Variants in FGF14 observed in about 807,000 individuals in gnomAD.
FGF14 encodes the protein fibroblast growth factor homologous factor 4.
Under a neutral mutation model 25.5 loss-of-function variants are expected in FGF14, and 5 were observed. The ratio of observed to expected loss-of-function variants is 0.20; its 90% confidence interval spans 0.10 to 0.41. The LOEUF is 0.41. FGF14 is among the 10% of genes least tolerant of loss of function. The pLI, the probability that FGF14 is intolerant of heterozygous loss-of-function variation, is 1.00. For synonymous variants in FGF14, 138 were observed against 118.3 expected (o/e 1.17, Z -1.08); for missense variants, 222 against 320.1 (o/e 0.69, Z 2.34).
chr13:102,062,664 A>C (rs892403413), intron 1 of FGF14, among the ~76,000 whole-genome samples: 23 of 152,304 alleles, frequency 1.5e-4, no homozygotes, highest in Admixed American at 1.3e-4. Flanking sequence ...CAATTTCTCC[A>C]ATTTATTCAA....
At chr13:102,046,126 A>ATTCTC (rs1412468992) in intron 1 of FGF14, 2 of 154,324 alleles carry the variant, frequency 1.3e-5, no homozygotes, top group Non-Finnish European at 2.9e-5. Flanking sequence ...CCTGGGCAGG[A>ATTCTC]AACACTGACT....
At chr13:102,294,211 T>C (rs1161528929) in intron 1 of FGF14, among the ~76,000 whole-genome samples, 2 of 152,198 alleles carry the variant, frequency 1.3e-5, no homozygotes, top group Admixed American at 6.6e-5. Context: ...CTCAAGTCAA[T>C]GGGAAAACAT....
In FGF14 at chr13:102,132,515, CTT is replaced by C. The variant is rs5806272; in HGVS notation, c.209-257221_209-257220del. ...AAGGCATACTTTTCTTTCTTTCTTT[CTT>C]TTTTTTTTTTTTTGAGACAGAGTGC... On this transcript the variant is annotated intron_variant, in intron 1 of 4. Coordinates refer to the FGF14 transcript ENST00000376131. 4.8e-3 allele frequency among the ~76,000 whole-genome samples: 541 copies of C among 112,618 alleles called. 3 individuals are homozygous for C. Among genetic ancestry groups the C allele is most frequent in the African/African-American group, 0.014 (446 of 31,510 alleles). The allele number at this position is 112,618 out of a possible 152,430, so 73.9% of individuals were successfully genotyped here. A position where few individuals can be genotyped will look rare whatever the true frequency, so the allele number is the denominator to read the frequency against.
intron 1 of FGF14, among the ~76,000 whole-genome samples, chr13:102,311,403 T>A (rs898784795): frequency 2.0e-5 from 3 of 152,138 alleles, no homozygotes; most frequent in African/African-American, 7.2e-5. Context: ...TTGTCAATGA[T>A]TCTCCCCAAG....
intron 1 of FGF14, among the ~76,000 whole-genome samples, chr13:101,943,223 G>A (rs1010715024): frequency 2.0e-5 from 3 of 152,108 alleles, no homozygotes; most frequent in East Asian, 1.9e-4. Flanking sequence ...TCACTCTTCC[G>A]GGTTCCATAC....
chr13:102,345,079 T>C (rs578203294), intron 1 of FGF14, among the ~76,000 whole-genome samples: 1 of 152,324 alleles, frequency 6.6e-6, no homozygotes, highest in East Asian at 1.9e-4. Flanking sequence ...ATGGTCTTAA[T>C]TCCAGCACTA....
intron 3 of FGF14, among the ~76,000 whole-genome samples, chr13:101,750,358 C>T (rs1395258363): frequency 6.6e-6 from 1 of 151,730 alleles, no homozygotes; most frequent in Middle Eastern, 3.2e-3. Flanking sequence ...ACTATACATA[C>T]AGAATGACAA....
chr13:101,797,743 G>GTA (rs2040617161), intron 3 of FGF14, among the ~76,000 whole-genome samples: 1 of 144,356 alleles, frequency 6.9e-6, no homozygotes, highest in Non-Finnish European at 1.5e-5. Context: ...TGATGTGTGT[G>GTA]TGTGTGTGTG....
intron 1 of FGF14, among the ~76,000 whole-genome samples, chr13:102,222,208 T>G (rs1274110041): frequency 6.6e-6 from 1 of 152,178 alleles, no homozygotes; most frequent in Non-Finnish European, 1.5e-5. Context: ...TCCTAGGGTT[T>G]TTCGAGGACT....
At chr13:101,832,324 G>A (rs1030391579) in intron 3 of FGF14, among the ~76,000 whole-genome samples, 2 of 152,044 alleles carry the variant, frequency 1.3e-5, no homozygotes, top group Non-Finnish European at 2.9e-5. Context: ...CTGACCTCTG[G>A]CCTGGAGAAG....
intron 1 of FGF14, among the ~76,000 whole-genome samples, chr13:102,074,094 T>G (rs371177139): frequency 6.6e-6 from 1 of 152,142 alleles, no homozygotes; most frequent in African/African-American, 2.4e-5. Flanking sequence ...TCACTGCAGC[T>G]TCAACCTCCT....
intron 1 of FGF14, among the ~76,000 whole-genome samples, chr13:102,288,232 G>A (rs1423686447): frequency 2.0e-5 from 3 of 152,108 alleles, no homozygotes; most frequent in Admixed American, 6.6e-5. Flanking sequence ...CTGCAAACTG[G>A]TGAAAACAAC....
At chr13:102,022,129 C>T (rs960182751) in intron 1 of FGF14, among the ~76,000 whole-genome samples, 10 of 152,008 alleles carry the variant, frequency 6.6e-5, no homozygotes, top group Non-Finnish European at 7.4e-5. Context: ...AGCACCCCCA[C>T]CCCCCTTACT....
chr13:102,087,950 A>G (rs2044002046), intron 1 of FGF14, among the ~76,000 whole-genome samples: 2 of 152,210 alleles, frequency 1.3e-5, no homozygotes, highest in African/African-American at 4.8e-5. Context: ...GCCTGATTGT[A>G]AAGCTCATGG....
chr13:101,875,415 T>C, intron 1 of FGF14, 119 bp from the exon 2 acceptor site: 1 of 734,310 alleles, frequency 1.4e-6, no homozygotes, highest in Non-Finnish European at 2.4e-6. Context: ...CATATTTTAT[T>C]TTGTCTCTCA....
intron 1 of FGF14, among the ~76,000 whole-genome samples, chr13:102,020,281 G>T (rs1164280838): frequency 6.6e-6 from 1 of 152,168 alleles, no homozygotes; most frequent in African/African-American, 2.4e-5. Flanking sequence ...GGGTATGGTG[G>T]CTCATGCCTG....
intron 1 of FGF14, among the ~76,000 whole-genome samples, chr13:102,155,030 A>G (rs1484883465): frequency 6.6e-6 from 1 of 152,232 alleles, no homozygotes; most frequent in Non-Finnish European, 1.5e-5. Flanking sequence ...TTAGAGACCT[A>G]TAAAGAGACT....
chr13:102,345,848 G>C (rs765135514), intron 1 of FGF14, among the ~76,000 whole-genome samples: 1 of 152,186 alleles, frequency 6.6e-6, no homozygotes, highest in Non-Finnish European at 1.5e-5. Context: ...GACTGGAAAA[G>C]GGTGTTAATC....
chr13:102,197,833 T>C (rs1434143020), intron 1 of FGF14, among the ~76,000 whole-genome samples: 3 of 152,150 alleles, frequency 2.0e-5, no homozygotes, highest in Non-Finnish European at 2.9e-5. Context: ...TTTCAGGGTC[T>C]CAGAATCAAA....
Sources: gnomAD v4.1 joint callset for allele counts (sites outside exome capture counted in the v4.1 genomes callset) on GRCh38, gnomAD v4.1.1 for gene constraint, MANE v1.5 for transcripts, NCBI Gene and HGNC (gene_info 2026-07-23, HGNC 2026-07-21) for gene names.